Variants in REV1 observed in about 807,000 individuals in gnomAD.
REV1 encodes REV1 DNA directed polymerase.
Under a neutral mutation model 137.4 loss-of-function variants are expected in REV1, and 42 were observed. The observed-to-expected ratio is 0.31, with a 90% CI of 0.24 to 0.40. The LOEUF is 0.40. REV1 is among the 10% of genes least tolerant of loss of function. The pLI is 1.00. For synonymous variants in REV1, 524 were observed against 519.2 expected (o/e 1.01, Z -0.12); for missense variants, 1,282 against 1,490.1 (o/e 0.86, Z 2.30).
Position 99,410,894 on chromosome 2 carries a change from TA to T in REV1, c.2173-28del, listed in dbSNP as rs28382951. The T allele has an allele frequency of 6.1e-4, 952 of 1,560,336 alleles. 7 individuals are homozygous for T. The East Asian group carries it at 0.019, about 32-fold the overall frequency. On this transcript the variant is annotated intron_variant, in intron 13 of 22. Coordinates refer to ENST00000258428, the MANE Select transcript of REV1 (RefSeq NM_016316.4). The stretch of plus-strand genomic sequence containing the variant: ...TATGGAAAGACAAACGTGGAGAAAC[TA>T]CCATTCCACTTTCCTATATACCTAA...
chr2:99,410,648 C>A (rs180722817), intron 14 of REV1, 47 bp downstream of exon 14: 130 of 1,471,468 alleles, frequency 8.8e-5, no homozygotes, highest in Non-Finnish European at 1.1e-4. Context: ...CTTACAACAA[C>A]CTGTACTGAA....
Position 99,407,080 on chromosome 2 carries a change from C to CTTTTTTTTTTTTTTTTTTTTTTTTT in REV1, c.2449-615_2449-591dup, listed in dbSNP as rs869170472. ...ACATAAAACTAAACCTACAAAGGTTCTTTTTTTTTTTTTTTTTTTTTTTTT... is the reference window on the plus strand; with the variant it reads ...ACATAAAACTAAACCTACAAAGGTTCTTTTTTTTTTTTTTTTTTTTTTTTTTTTTTTTTTTTTTTTTTTTTTTTTT... On this transcript the variant is annotated intron_variant, in intron 15 of 22. Coordinates refer to ENST00000258428, the MANE Select transcript of REV1 (RefSeq NM_016316.4). Among the ~76,000 whole-genome samples the CTTTTTTTTTTTTTTTTTTTTTTTTT allele has an allele frequency of 1.2e-4, 7 of 60,046 alleles. 2 individuals carry two copies. The highest frequency in any genetic ancestry group is 1.5e-4 in the Non-Finnish European group (5 of 34,158). 39.4% of individuals were successfully genotyped at this position (60,046 alleles called of 152,430 possible). A position where few individuals can be genotyped will look rare whatever the true frequency, so the allele number is the denominator to read the frequency against.
At chr2:99,431,649 TGAGGAGA>T in intron 8 of REV1, 5 of 803,074 alleles carry the variant, frequency 6.2e-6, no homozygotes, top group Non-Finnish European at 7.5e-6. Context: ...AACTTATGCT[TGAGGAGA>T]GAACAGTCTC....
intron 4 of REV1, among the ~76,000 whole-genome samples, chr2:99,442,993 C>T (rs1424027179): frequency 1.3e-5 from 2 of 152,168 alleles, no homozygotes; most frequent in Non-Finnish European, 1.5e-5. Flanking sequence ...TCACACAACA[C>T]CACTCAAATC....
At chr2:99,406,154 G>T in intron 16 of REV1, 48 bp from the exon 17 acceptor site, 1 of 1,500,886 alleles carries the variant, frequency 6.7e-7, no homozygotes, top group Non-Finnish European at 9.0e-7. Flanking sequence ...CATCGGGCAG[G>T]GCCTTTAATC....
intron 12 of REV1, among the ~76,000 whole-genome samples, chr2:99,415,400 T>TA (rs1677718404): frequency 6.6e-6 from 1 of 152,188 alleles, no homozygotes; most frequent in Non-Finnish European, 1.5e-5. Flanking sequence ...GGGGAACTAT[T>TA]ACCCTAGGTT....
At chr2:99,414,073 T>C (rs1050102040) in intron 12 of REV1, among the ~76,000 whole-genome samples, 5 of 152,184 alleles carry the variant, frequency 3.3e-5, no homozygotes, top group Non-Finnish European at 7.3e-5. Context: ...AAAGATCCCT[T>C]GAGCCCGAGA....
At chr2:99,419,690 C>G (rs990605565) in intron 11 of REV1, among the ~76,000 whole-genome samples, 3 of 152,100 alleles carry the variant, frequency 2.0e-5, no homozygotes, top group African/African-American at 7.2e-5. Context: ...GAAGAGTCCT[C>G]AAAACACAGA....
Position 99,439,189 on chromosome 2 carries a change from C to T in REV1, c.625G>A (p.Gly209Arg), listed in dbSNP as rs1283178911. ...TGCGGAATTCCATTCTGTTTCCTTC[C>T]CGGAGAGGTCTGCTCCAGATCCACA... ...SFVDLEQTSPGRKQNGIPHPR... is the reference protein window; with the variant it reads ...SFVDLEQTSPRRKQNGIPHPR... The change falls in exon 6 of 23, where the codon GGA becomes AGA. Residue 209 changes from glycine to arginine, a missense_variant. By Grantham distance (125) the Gly-to-Arg change is moderately radical. Coordinates refer to ENST00000258428, the MANE Select transcript of REV1 (RefSeq NM_016316.4). 6.2e-7 allele frequency: 1 copy of T among 1,613,948 alleles called. No homozygotes were observed. Among genetic ancestry groups the T allele is most frequent in the East Asian group, 2.2e-5 (1 of 44,892 alleles).
At chr2:99,454,565 A>C (rs1329886835) in intron 3 of REV1, among the ~76,000 whole-genome samples, 2 of 138,016 alleles carry the variant, frequency 1.4e-5, no homozygotes, top group South Asian at 2.4e-4. Context: ...AAAAAAAAAA[A>C]AAAAAAAAAA....
chr2:99,405,061 G>A (rs956898170), intron 17 of REV1, among the ~76,000 whole-genome samples: 6 of 152,172 alleles, frequency 3.9e-5, no homozygotes, highest in African/African-American at 1.4e-4. Context: ...TTAAAATTCT[G>A]GACAGGTAAC....
chr2:99,418,834 G>C lies in REV1; in HGVS notation c.1945C>G (p.Leu649Val), dbSNP rs2104560951. ...TTAAAATATTTCTATTTACCTGGTA[G>C]ATTGGTCACTAGCTGGCCTCTGATA... is the stretch of plus-strand genomic sequence containing the variant. ...DFIRGQLVTNLPGVGHSMESK... is the reference protein window; with the variant it reads ...DFIRGQLVTNVPGVGHSMESK... The change falls in exon 12 of 23, where the codon CTA becomes GTA. Residue 649 changes from leucine (L) to valine (V), a missense_variant. By Grantham distance (32) the Leu-to-Val change is conservative. Coordinates refer to ENST00000258428, the MANE Select transcript of REV1 (RefSeq NM_016316.4). 6.2e-7 allele frequency: 1 copy of C among 1,610,720 alleles called. No homozygotes were observed. The highest frequency in any genetic ancestry group is 1.7e-4 in the Middle Eastern group (1 of 6,050).
intron 1 of REV1, among the ~76,000 whole-genome samples, chr2:99,475,009 C>T (rs1451582889): frequency 6.6e-6 from 1 of 152,132 alleles, no homozygotes; most frequent in Non-Finnish European, 1.5e-5. Context: ...TTTAGTTCCT[C>T]CGTATGTGGA....
chr2:99,487,910 C>T (rs1449079274), intron 1 of REV1, among the ~76,000 whole-genome samples: 4 of 118,468 alleles, frequency 3.4e-5, no homozygotes, highest in African/African-American at 1.2e-4. Context: ...TTACTGAGCA[C>T]CTCCTGAGTA....
chr2:99,460,705 C>T (rs942227587), intron 3 of REV1, among the ~76,000 whole-genome samples: 1 of 151,380 alleles, frequency 6.6e-6, no homozygotes, highest in African/African-American at 2.4e-5. Context: ...TTGGATATCT[C>T]GGTGAAATTC....
intron 12 of REV1, among the ~76,000 whole-genome samples, chr2:99,414,925 A>C (rs1404273348): frequency 6.6e-6 from 1 of 152,228 alleles, no homozygotes; most frequent in African/African-American, 2.4e-5. Context: ...CAAATTATGC[A>C]CTACAGGTGC....
intron 1 of REV1, among the ~76,000 whole-genome samples, chr2:99,483,746 T>G (rs868519991): frequency 1.3e-5 from 2 of 152,304 alleles, no homozygotes; most frequent in South Asian, 2.1e-4. Flanking sequence ...GTGTTGCTGG[T>G]CTTTCCCTCA....
chr2:99,470,581 G>A (rs569501838), intron 1 of REV1, among the ~76,000 whole-genome samples: 9 of 152,354 alleles, frequency 5.9e-5, no homozygotes, highest in South Asian at 2.1e-4. Context: ...CCAAGCAAGC[G>A]TTAGGTCATA....
At chr2:99,460,762 CAA>C (rs1184365020) in intron 3 of REV1, among the ~76,000 whole-genome samples, 9 of 151,662 alleles carry the variant, frequency 5.9e-5, no homozygotes, top group Admixed American at 5.3e-4. Flanking sequence ...ATCTTAATAA[CAA>C]GAGCAAAAAT....
Sources: allele counts gnomAD v4.1 joint callset (sites outside exome capture counted in the v4.1 genomes callset), GRCh38; gene constraint gnomAD v4.1.1; transcripts MANE v1.5; gene names NCBI Gene and HGNC (gene_info 2026-07-23, HGNC 2026-07-21).